The following LARP1B variants were observed in gnomAD, a reference collection of about 807,000 sequenced individuals.
LARP1B encodes La ribonucleoprotein 1B.
Under a neutral mutation model 114.2 loss-of-function variants are expected in LARP1B, and 76 were observed. The observed-to-expected ratio is 0.67, with a 90% CI of 0.55 to 0.81. LARP1B has a LOEUF of 0.81. Ranked by LOEUF, LARP1B falls within the 30% of genes least tolerant of loss-of-function variation. The pLI is 0.00. For synonymous variants in LARP1B, 345 were observed against 348.0 expected (o/e 0.99, Z 0.10); for missense variants, 1,014 against 1,075.8 (o/e 0.94, Z 0.80).
intron 8 of LARP1B, among the ~76,000 whole-genome samples, chr4:128,104,912 G>A (rs186904843): frequency 8.1e-4 from 124 of 152,246 alleles, no homozygotes; most frequent in African/African-American, 2.8e-3. Flanking sequence ...ATTACCTTTT[G>A]TAGATACTGC....
In LARP1B at chr4:128,210,795, G is replaced by A. The variant is rs1476456339; in HGVS notation, c.*742G>A. On this transcript the variant is annotated 3_prime_UTR_variant, in exon 20 of 20. Transcript: ENST00000326639. ...GGCTATAAGCTGATTACATATTAGAGGTTTATTTTTATGATTCTATATAAA... is the reference window on the plus strand; with the variant it reads ...GGCTATAAGCTGATTACATATTAGAAGTTTATTTTTATGATTCTATATAAA... 3.1e-6 allele frequency: 3 copies of A among 983,064 alleles called. No individual in the cohort carries two copies. The East Asian group carries it at 3.4e-4, about 112-fold the overall frequency. The allele number at this position is 983,064 out of a possible 1,614,324, so 60.9% of individuals were successfully genotyped here.
chr4:128,091,281 C>CT, intron 6 of LARP1B, 66 bp from the exon 7 acceptor site: 1 of 1,515,264 alleles, frequency 6.6e-7, no homozygotes, highest in Non-Finnish European at 8.9e-7. Flanking sequence ...AAGTTCTTCA[C>CT]TTTATCCGTA....
chr4:128,067,059 C>T lies in LARP1B; in HGVS notation c.-78+5658C>T, dbSNP rs181417796. ...CTGACCTCAGTTGATGCGCCCGCTT[C>T]GGCCTCCCAAAGTGCTGGGATTACA... is the stretch of plus-strand genomic sequence containing the variant. On this transcript the variant is annotated intron_variant, in intron 1 of 19. Transcript: ENST00000326639. 1.3e-3 allele frequency among the ~76,000 whole-genome samples: 192 copies of T among 152,072 alleles called. 1 individual carries two copies. The highest frequency in any genetic ancestry group is 2.0e-3 in the Non-Finnish European group (135 of 67,988).
At chr4:128,133,358 T>G (rs2150126260) in intron 11 of LARP1B, among the ~76,000 whole-genome samples, 1 of 152,366 alleles carries the variant, frequency 6.6e-6, no homozygotes, top group Non-Finnish European at 1.5e-5. Flanking sequence ...AAAGCTGTTA[T>G]GAACAACAAA....
intron 15 of LARP1B, among the ~76,000 whole-genome samples, chr4:128,187,286 G>A (rs571406503): frequency 2.0e-5 from 3 of 152,376 alleles, no homozygotes; most frequent in African/African-American, 7.2e-5. Context: ...GAGCAGCCAT[G>A]TGGGCTAAAC....
At chr4:128,065,319 C>CTT (rs756433630) in intron 1 of LARP1B, among the ~76,000 whole-genome samples, 1,792 of 59,072 alleles carry the variant, frequency 0.03, 10 homozygotes, top group Middle Eastern at 0.055. Context: ...CTTTCTTTCT[C>CTT]TCTCTCTCTC....
intron 12 of LARP1B, among the ~76,000 whole-genome samples, chr4:128,172,885 CTT>C (rs1468653649): frequency 1.3e-5 from 2 of 151,002 alleles, no homozygotes; most frequent in Non-Finnish European, 2.9e-5. Flanking sequence ...TTATTCCTCT[CTT>C]CAAGTTTATT....
rs542893807 is a variant in LARP1B at position 128,075,969 on chromosome 4, C to T, written c.42+976C>T. Among the ~76,000 whole-genome samples the T allele has an allele frequency of 1.1e-4, 17 of 152,048 alleles. No individual in the cohort carries two copies. In the South Asian group the frequency reaches 3.3e-3, roughly 30 times the overall value. The stretch of plus-strand genomic sequence containing the variant: ...GGCAGCTATCCTTTTGATAGTTTAC[C>T]CGCTTTTCAGATAACCTAATTTAAT... On this transcript the variant is annotated intron_variant, in intron 3 of 19. Transcript: ENST00000326639.
intron 12 of LARP1B, among the ~76,000 whole-genome samples, chr4:128,170,877 T>C (rs563607081): frequency 6.7e-5 from 10 of 148,194 alleles, no homozygotes; most frequent in Non-Finnish European, 8.9e-5. Flanking sequence ...CTTTTCTTTT[T>C]TTTTTTTTTT....
intron 13 of LARP1B, among the ~76,000 whole-genome samples, chr4:128,178,035 G>GATATATATATATATATATATATAT (rs35878913): frequency 2.0e-4 from 28 of 137,824 alleles, no homozygotes; most frequent in East Asian, 1.1e-3. Context: ...TTTACAAAGT[G>GATATATATATATATATATATATAT]ATATATATAT....
chr4:128,212,904 A>ATC (rs1307711831), downstream of LARP1B, among the ~76,000 whole-genome samples: 34 of 138,320 alleles, frequency 2.5e-4, no homozygotes, highest in African/African-American at 6.3e-4. Context: ...AATCATTTAA[A>ATC]TCTCTCTCTT....
At chr4:128,110,537 C>T (rs1342461198) in intron 9 of LARP1B, among the ~76,000 whole-genome samples, 11 of 149,294 alleles carry the variant, frequency 7.4e-5, no homozygotes, top group South Asian at 4.3e-4. Context: ...ATTAGCCGGG[C>T]GTAGTGGCGG....
At chr4:128,177,341 G>A (rs1003726853) in intron 13 of LARP1B, among the ~76,000 whole-genome samples, 4 of 152,078 alleles carry the variant, frequency 2.6e-5, no homozygotes, top group African/African-American at 9.7e-5. Flanking sequence ...AGTATTTGTT[G>A]AGTGAAAAAA....
chr4:128,214,378 A>T (rs1203600676), downstream of LARP1B, among the ~76,000 whole-genome samples: 1 of 146,400 alleles, frequency 6.8e-6, no homozygotes, highest in Non-Finnish European at 1.5e-5. Context: ...AGACAGCAGT[A>T]ACCTCTGCAG....
At chr4:128,120,272 T>C (rs968822970) in intron 10 of LARP1B, among the ~76,000 whole-genome samples, 5 of 152,128 alleles carry the variant, frequency 3.3e-5, no homozygotes, top group Non-Finnish European at 5.9e-5. Context: ...ATTGTTTTTT[T>C]CCTAGACATA....
At chr4:128,207,875 A>T (rs1009653325) in intron 19 of LARP1B, among the ~76,000 whole-genome samples, 1 of 152,264 alleles carries the variant, frequency 6.6e-6, no homozygotes, top group African/African-American at 2.4e-5. Flanking sequence ...CTGCCATCTT[A>T]CAACGATGTC....
rs1290203586 is a variant in LARP1B at position 128,155,910 on chromosome 4, C to T, written c.1525-6284C>T. The T allele has an allele frequency of 1.9e-6, 3 of 1,547,118 alleles. No individual in the cohort carries two copies. In the African/African-American group the frequency reaches 4.1e-5, roughly 21 times the overall value. ...AAGCCCACTGACCCATCTGCAAAAT[C>T]CCCGAAGGAGCCAAGGAGGGGTACA... On this transcript the variant is annotated intron_variant, in intron 11 of 19. Coordinates refer to ENST00000326639, the MANE Select transcript of LARP1B (RefSeq NM_018078.4).
intron 15 of LARP1B, among the ~76,000 whole-genome samples, chr4:128,196,534 A>G (rs1422392122): frequency 1.3e-5 from 2 of 151,648 alleles, no homozygotes; most frequent in Non-Finnish European, 2.9e-5. Context: ...AATAAAAAGT[A>G]AAAAAGAATT....
chr4:128,201,937 T>A (rs1377464669), intron 17 of LARP1B, among the ~76,000 whole-genome samples: 2 of 152,208 alleles, frequency 1.3e-5, no homozygotes, highest in Non-Finnish European at 1.5e-5. Context: ...AAGAATATAT[T>A]GTTTACCAGA....
Sources: gnomAD v4.1 joint callset for allele counts (sites outside exome capture counted in the v4.1 genomes callset) on GRCh38, gnomAD v4.1.1 for gene constraint, MANE v1.5 for transcripts, NCBI Gene and HGNC (gene_info 2026-07-23, HGNC 2026-07-21) for gene names.